The following PNKD variants were observed in gnomAD, a reference collection of about 807,000 sequenced individuals.
PNKD encodes PNKD metallo-beta-lactamase domain containing.
In PNKD, 36 loss-of-function variants were observed where a neutral mutation model predicts 45.3. The ratio of observed to expected loss-of-function variants is 0.80; its 90% CI spans 0.61 to 1.05. The LOEUF (loss-of-function observed/expected upper bound fraction) is 1.05. Among genes scored for constraint, PNKD ranks in the 50% least tolerant of loss-of-function variants. The probability of loss-of-function intolerance (pLI) is 0.00; values close to 1 mark genes in which losing one functional copy is unlikely to be tolerated. For synonymous variants in PNKD, 197 were observed against 210.1 expected (o/e 0.94, Z 0.54); for missense variants, 511 against 506.6 (o/e 1.01, Z -0.08).
rs768284028 is a variant in PNKD at position 218,339,917 on chromosome 2, G to A, written c.352+19G>A. The A allele has an allele frequency of 9.8e-5, 153 of 1,558,552 alleles. 1 individual carries two copies. The South Asian group carries it at 1.1e-3, about 11-fold the overall frequency. The stretch of plus-strand genomic sequence containing the variant: ...TTCAATGGTGAGCTCTGACTGCCCC[G>A]GCCAGCATCCCCCATTCTGTGCCCC... On this transcript the variant is annotated intron_variant, in intron 3 of 9. Transcript: ENST00000273077.
At chr2:218,343,707 A>G (rs776292495) in intron 8 of PNKD, 121 bp downstream of exon 8, 281 of 742,890 alleles carry the variant, frequency 3.8e-4, no homozygotes, top group Non-Finnish European at 5.4e-4. Context: ...CAGAAGCGAC[A>G]CAGCTCCACC....
At chr2:218,271,291 G>A (rs1392184634) in intron 1 of PNKD, 90 bp from the exon 2 acceptor site, 1 of 1,071,094 alleles carries the variant, frequency 9.3e-7, no homozygotes, top group East Asian at 2.4e-5. Context: ...CCAGATCTCA[G>A]CCGCTCCTCC....
Position 218,344,926 on chromosome 2 carries a change from G to C in PNKD, c.1103G>C (p.Arg368Pro). The change falls in exon 10 of 10, where the codon CGG becomes CCG. Residue 368 changes from arginine (R) to proline (P), a missense_variant. Physicochemically the swap from Arg to Pro is moderately radical, Grantham distance 103. Transcript: ENST00000273077. ...CCCACTGGGGATGATGACTACTCCC[G>C]GGCCCAGCTCCTGGAAGAGCTCCGC... ...PGPTGDDDYS[R>P]AQLLEELRRL... is the part of the protein sequence containing the mutation. 1 of 1,613,966 alleles carries C rather than the reference G, an allele frequency of 6.2e-7. No individual in the cohort carries two copies. Among genetic ancestry groups the C allele is most frequent in the Non-Finnish European group, 8.5e-7 (1 of 1,179,940 alleles).
At chr2:218,332,791 G>A (rs1024017877) in intron 2 of PNKD, among the ~76,000 whole-genome samples, 1 of 152,052 alleles carries the variant, frequency 6.6e-6, no homozygotes, top group Non-Finnish European at 1.5e-5. Flanking sequence ...TCTCAGAAAG[G>A]GAGTCTGATC....
chr2:218,336,190 G>A (rs867624697), intron 2 of PNKD, among the ~76,000 whole-genome samples: 10 of 117,534 alleles, frequency 8.5e-5, no homozygotes, highest in Admixed American at 2.4e-4. Context: ...ACTCCAGCAC[G>A]GTGACAGAGT....
chr2:218,272,605 T>C, intron 2 of PNKD: 1 of 1,614,114 alleles, frequency 6.2e-7, no homozygotes, highest in Non-Finnish European at 8.5e-7. Flanking sequence ...CTCCTCTTCA[T>C]CCTCACCAAG....
At chr2:218,282,675 G>C (rs975446317) in intron 2 of PNKD, among the ~76,000 whole-genome samples, 6 of 152,214 alleles carry the variant, frequency 3.9e-5, no homozygotes, top group Non-Finnish European at 8.8e-5. Context: ...TGGAGCCAAG[G>C]CTCAAAGTGG....
chr2:218,275,600 G>A (rs781027967), intron 2 of PNKD: 2 of 1,613,140 alleles, frequency 1.2e-6, no homozygotes, highest in Admixed American at 1.7e-5. Context: ...CCCAGGACCA[G>A]CTGTGTGTCG....
intron 2 of PNKD, chr2:218,323,332 T>C: frequency 6.3e-7 from 1 of 1,576,064 alleles, no homozygotes. Flanking sequence ...CTCCTCGTCC[T>C]TGTCCTCGTC....
intron 2 of PNKD, among the ~76,000 whole-genome samples, chr2:218,309,647 C>G (rs1452920613): frequency 6.6e-6 from 1 of 151,784 alleles, no homozygotes; most frequent in Admixed American, 6.6e-5. Flanking sequence ...GAAAACCCAA[C>G]TGAGGCCAGG....
intron 1 of PNKD, chr2:218,271,015 C>T (rs1690807835): frequency 6.6e-6 from 3 of 455,650 alleles, no homozygotes; most frequent in Admixed American, 3.6e-5. Context: ...AGTAGACTAT[C>T]TTTAAGGTCC....
At chr2:218,323,307 GC>G in intron 2 of PNKD, 1 of 1,558,036 alleles carries the variant, frequency 6.4e-7, no homozygotes, top group East Asian at 2.5e-5. Flanking sequence ...GCAGTGGGTC[GC>G]CGGCTGCTGG....
At position 218,342,081 on chromosome 2, in the gene PNKD, G is replaced by A; in HGVS notation, c.718G>A (p.Gly240Arg). ...AGGCCATCTGGTCTACCTACTGGAT[G>A]GGGAGCCCTACAAGGGTCCCTCCTG... Reference protein sequence around the residue: ...TQGHLVYLLDGEPYKGPSCLF... With the variant: ...TQGHLVYLLDREPYKGPSCLF... The change falls in exon 7 of 10, where the codon GGG becomes AGG. Residue 240 changes from glycine to arginine, a missense_variant. Coordinates refer to ENST00000273077, the MANE Select transcript of PNKD (RefSeq NM_015488.5). The A allele has an allele frequency of 6.2e-7, 1 of 1,613,568 alleles. No homozygotes were observed.
At chr2:218,323,070 C>A (rs928178877) in intron 2 of PNKD, 18 of 895,368 alleles carry the variant, frequency 2.0e-5, no homozygotes, top group South Asian at 6.5e-5. Context: ...GGCCGCCCCC[C>A]AAGCCGGGTG....
intron 2 of PNKD, chr2:218,327,223 T>A (rs1430253448): frequency 1.3e-5 from 2 of 152,060 alleles, no homozygotes; most frequent in Non-Finnish European, 2.9e-5. Flanking sequence ...GCATAGAAGG[T>A]CCTTCCTGAC....
At chr2:218,277,146 C>T in intron 2 of PNKD, 2 of 1,543,848 alleles carry the variant, frequency 1.3e-6, no homozygotes, top group East Asian at 4.5e-5. Context: ...CTGTGACAAC[C>T]AGCCCAGTCA....
chr2:218,332,651 A>G (rs1387721417), intron 2 of PNKD, among the ~76,000 whole-genome samples: 2 of 151,978 alleles, frequency 1.3e-5, no homozygotes, highest in East Asian at 3.9e-4. Context: ...AGCCAGGCAC[A>G]GGTCTCCCAT....
At chr2:218,297,974 G>A (rs1474377759) in intron 2 of PNKD, among the ~76,000 whole-genome samples, 1 of 147,406 alleles carries the variant, frequency 6.8e-6, no homozygotes, top group East Asian at 2.0e-4. Context: ...CTCCAGCCTG[G>A]GCAACAGAGG....
chr2:218,315,028 CTTTCTTTCTT>C (rs1169554116), intron 2 of PNKD, among the ~76,000 whole-genome samples: 104 of 1,360 alleles, frequency 0.076, 3 homozygotes, highest in African/African-American at 0.094. Flanking sequence ...TTCTTTCTTT[CTTTCTTTCTT>C]TTTCTTTCTT....
Sources: gnomAD v4.1 joint callset for allele counts (sites outside exome capture counted in the v4.1 genomes callset) on GRCh38, gnomAD v4.1.1 for gene constraint, MANE v1.5 for transcripts, NCBI Gene and HGNC (gene_info 2026-07-23, HGNC 2026-07-21) for gene names.